The following WDR27 variants were observed in gnomAD, a reference collection of about 807,000 sequenced individuals.
The protein encoded by WDR27 is WD repeat domain 27, also known as WD repeat-containing protein 27.
WDR27 carries 100 observed loss-of-function variants against 114.4 expected under a neutral mutation model. That is an observed-to-expected ratio of 0.87 (90% CI 0.74 to 1.03). The LOEUF is 1.03. Among genes scored for constraint, WDR27 ranks in the 50% least tolerant of loss-of-function variants. WDR27 has a pLI of 0.00. For missense variants in WDR27, 1,129 were observed against 1,092.9 expected (o/e 1.03, Z -0.47); for synonymous variants, 449 against 423.1 (o/e 1.06, Z -0.75).
At chr6:169,529,241 C>T (rs949858500) in intron 25 of WDR27, among the ~76,000 whole-genome samples, 1 of 147,462 alleles carries the variant, frequency 6.8e-6, no homozygotes. Flanking sequence ...TGTGAATAGA[C>T]GCATACACAC....
In WDR27 at chr6:169,633,036, C is replaced by A. The variant is rs562314826; in HGVS notation, c.2134G>T (p.Val712Leu). Residue 712 changes from valine (V) to leucine (L), a missense_variant, in exon 21 of 26, where the codon GTG becomes TTG. Val to Leu is a conservative substitution (Grantham distance 32). Transcript: ENST00000448612. ...IVLAAGRNRTVEVFDLNAGCS... is the reference protein window; with the variant it reads ...IVLAAGRNRTLEVFDLNAGCS... ...CCGGCGTTGAGGTCAAACACTTCCA[C>A]GGTCCTGTTCCGGCCAGCTGCGAGT... 13 of 1,592,136 alleles carry A rather than the reference C, an allele frequency of 8.2e-6. No homozygotes were observed. In the African/African-American group the frequency reaches 1.6e-4, roughly 20 times the overall value.
chr6:169,609,785 G>C (rs1023877032), intron 22 of WDR27, among the ~76,000 whole-genome samples: 5 of 152,132 alleles, frequency 3.3e-5, no homozygotes, highest in Non-Finnish European at 7.4e-5. Context: ...TCAGAAAATG[G>C]GATTTTTCTT....
intron 24 of WDR27, among the ~76,000 whole-genome samples, chr6:169,579,683 C>A (rs912949404): frequency 1.5e-4 from 23 of 152,196 alleles, no homozygotes; most frequent in Admixed American, 1.3e-3. Context: ...GAACTCCCAC[C>A]CCTTTTCCAG....
chr6:169,456,783 G>A (rs760796137), downstream of WDR27, among the ~76,000 whole-genome samples: 2 of 144,982 alleles, frequency 1.4e-5, no homozygotes, highest in African/African-American at 2.6e-5. This position sits in a 1 kb window ranked among gnomAD's most constrained non-coding sequence, Gnocchi z 4.0. Context: ...CAGAGACCAC[G>A]GTCACCACAC....
intron 25 of WDR27, among the ~76,000 whole-genome samples, chr6:169,529,743 A>G (rs1327033675): frequency 2.6e-5 from 4 of 152,192 alleles, no homozygotes; most frequent in Non-Finnish European, 5.9e-5. Context: ...AAATTTGCAT[A>G]AGCTTTTAAA....
intron 25 of WDR27, among the ~76,000 whole-genome samples, chr6:169,459,889 T>G (rs1248499362): frequency 6.6e-6 from 1 of 152,106 alleles, no homozygotes; most frequent in African/African-American, 2.4e-5. Context: ...AGGGAAAAAT[T>G]AAGACATTCC....
At chr6:169,521,272 T>C (rs987988643) in intron 25 of WDR27, among the ~76,000 whole-genome samples, 1 of 151,900 alleles carries the variant, frequency 6.6e-6, no homozygotes, top group Non-Finnish European at 1.5e-5. Flanking sequence ...ATAACTTATA[T>C]CCAAGAATAT....
At chr6:169,521,866 G>A (rs1794426218) in intron 25 of WDR27, among the ~76,000 whole-genome samples, 1 of 151,404 alleles carries the variant, frequency 6.6e-6, no homozygotes. Flanking sequence ...AAACACAAAG[G>A]AAGACAGAAA....
intron 23 of WDR27, among the ~76,000 whole-genome samples, chr6:169,598,287 G>GT (rs2128164798): frequency 6.6e-6 from 1 of 152,272 alleles, no homozygotes; most frequent in South Asian, 2.1e-4. Flanking sequence ...CTGAAACTGC[G>GT]TAATATACAA....
At chr6:169,564,163 A>G (rs1324108375) in intron 25 of WDR27, among the ~76,000 whole-genome samples, 2 of 152,244 alleles carry the variant, frequency 1.3e-5, no homozygotes, top group African/African-American at 4.8e-5. Context: ...CCAAGGTCCA[A>G]GAGTCCAAAA....
intron 25 of WDR27, among the ~76,000 whole-genome samples, chr6:169,546,659 C>T (rs1042602034): frequency 4.6e-5 from 7 of 152,134 alleles, no homozygotes; most frequent in African/African-American, 1.7e-4. Context: ...ACCCTCAAAC[C>T]CATCATGGAA....
At chr6:169,442,477 T>A in the WDR27 span, among the ~76,000 whole-genome samples, 1 of 152,210 alleles carries the variant, frequency 6.6e-6, no homozygotes, top group Non-Finnish European at 1.5e-5. Context: ...AGGTGAAAGG[T>A]AAAAGGTAAA....
chr6:169,431,723 T>C, the WDR27 span, among the ~76,000 whole-genome samples: 18 of 152,364 alleles, frequency 1.2e-4, no homozygotes, highest in Admixed American at 1.2e-3. Flanking sequence ...CAATATGGAC[T>C]GTCAAAGTTT....
rs761654602 is a variant in WDR27 at position 169,701,883 on chromosome 6, C to A, written c.-340G>T. ...CCAGAGCAGCAGCTCGGGTTCGGCG[C>A]CGACTCCGCGCCGAGACCAGCCCGC... On this transcript the variant is annotated 5_prime_UTR_variant, in exon 1 of 26. Transcript: ENST00000448612. The A allele has an allele frequency of 2.9e-6, 1 of 340,264 alleles. No homozygotes were observed. Among genetic ancestry groups the A allele is most frequent in the Non-Finnish European group, 5.8e-6 (1 of 172,978 alleles). The allele number at this position is 340,264 out of a possible 1,614,324, so 21.1% of individuals were successfully genotyped here.
At chr6:169,700,677 G>A (rs904161905) in intron 1 of WDR27, among the ~76,000 whole-genome samples, 1 of 152,204 alleles carries the variant, frequency 6.6e-6, no homozygotes, top group Non-Finnish European at 1.5e-5. Flanking sequence ...AGGACTGTGT[G>A]AGCAAGAAAC....
chr6:169,639,926 C>G (rs1562780951), intron 17 of WDR27, among the ~76,000 whole-genome samples: 1 of 152,138 alleles, frequency 6.6e-6, no homozygotes, highest in Non-Finnish European at 1.5e-5. Context: ...TCTCAGAGGT[C>G]GGCCCTGGAG....
intron 24 of WDR27, among the ~76,000 whole-genome samples, chr6:169,576,221 A>G (rs925922999): frequency 5.9e-5 from 9 of 151,926 alleles, no homozygotes; most frequent in Admixed American, 5.9e-4. Context: ...CTCACTATCC[A>G]CTCTGCTGGG....
chr6:169,675,268 A>G (rs9383476), intron 2 of WDR27, among the ~76,000 whole-genome samples: 69,440 of 151,788 alleles, frequency 0.46, 19,508 homozygotes, highest in East Asian at 0.95. Flanking sequence ...ATGAGATCTG[A>G]TCATTTAAAA....
intron 25 of WDR27, among the ~76,000 whole-genome samples, chr6:169,489,610 T>C (rs1409656147): frequency 6.6e-6 from 1 of 152,234 alleles, no homozygotes; most frequent in Non-Finnish European, 1.5e-5. Context: ...GGACATTGCA[T>C]GCCTCAGTTT....
Sources: allele counts gnomAD v4.1 joint callset (sites outside exome capture counted in the v4.1 genomes callset), GRCh38; gene constraint gnomAD v4.1.1; non-coding constraint Gnocchi (gnomAD v3.1); transcripts MANE v1.5; gene names NCBI Gene and HGNC (gene_info 2026-07-23, HGNC 2026-07-21).